RANBP2: variants seen among roughly 807,000 people sequenced by gnomAD.
The protein encoded by RANBP2 is E3 SUMO-protein ligase RanBP2.
In RANBP2, 57 loss-of-function variants were observed where a neutral mutation model predicts 303.6. The ratio of observed to expected loss-of-function variants is 0.19; its 90% confidence interval spans 0.15 to 0.23. The LOEUF (loss-of-function observed/expected upper bound fraction) is 0.23, where lower values mean the gene tolerates loss of function less well. Ranked by LOEUF, RANBP2 falls within the 10% of genes least tolerant of loss-of-function variation. The pLI is 1.00. For synonymous variants in RANBP2, 1,167 were observed against 1,301.5 expected, an observed-to-expected ratio of 0.90 and a Z score of 2.23; for missense variants, 3,138 against 3,780.8, an observed-to-expected ratio of 0.83 and a Z score of 4.46.
At chr2:109,650,128 A>G in the RANBP2 span, among the ~76,000 whole-genome samples, 4 of 152,224 alleles carry the variant, frequency 2.6e-5, no homozygotes, top group African/African-American at 4.8e-5. Context: ...GTAGGAAACA[A>G]AAGTCGCTGA....
At chr2:109,598,605 G>A in the RANBP2 span, among the ~76,000 whole-genome samples, 1 of 151,992 alleles carries the variant, frequency 6.6e-6, no homozygotes, top group African/African-American at 2.4e-5. Context: ...CACTTTGGGA[G>A]GCTGAGGCAG....
the RANBP2 span, among the ~76,000 whole-genome samples, chr2:109,177,557 G>A: frequency 1.3e-5 from 2 of 151,936 alleles, no homozygotes; most frequent in African/African-American, 4.8e-5. Context: ...TCTGGGGGGG[G>A]GCACCATTCC....
the RANBP2 span, chr2:108,856,882 TC>T: frequency 6.2e-7 from 1 of 1,613,248 alleles, no homozygotes; most frequent in Non-Finnish European, 8.5e-7. Flanking sequence ...ATCAGGCTGT[TC>T]CAGTAATATT....
the RANBP2 span, among the ~76,000 whole-genome samples, chr2:109,591,253 AT>A: frequency 3.9e-5 from 6 of 152,354 alleles, no homozygotes; most frequent in East Asian, 1.2e-3. Flanking sequence ...GCATATGCTT[AT>A]TACATAAAAG....
the RANBP2 span, among the ~76,000 whole-genome samples, chr2:108,880,812 C>G: frequency 1.3e-5 from 2 of 152,194 alleles, no homozygotes; most frequent in East Asian, 1.9e-4. Flanking sequence ...GACCAAAGAG[C>G]TCTACCATGG....
the RANBP2 span, among the ~76,000 whole-genome samples, chr2:108,943,004 C>T: frequency 2.6e-5 from 4 of 152,196 alleles, no homozygotes; most frequent in Admixed American, 1.3e-4. Context: ...GGCGTTTCAC[C>T]GGGCAGGTGA....
At chr2:108,819,011 C>A in the RANBP2 span, among the ~76,000 whole-genome samples, 2 of 152,254 alleles carry the variant, frequency 1.3e-5, no homozygotes, top group South Asian at 4.1e-4. Flanking sequence ...AAATTCAGTA[C>A]AACCTGAGGT....
chr2:109,197,497 G>T, the RANBP2 span, among the ~76,000 whole-genome samples: 1 of 151,624 alleles, frequency 6.6e-6, no homozygotes, highest in Non-Finnish European at 1.5e-5. Context: ...GACCCTATTT[G>T]TGAAGGCTAC....
intron 4 of RANBP2, chr2:108,731,854 T>C (rs1006886369): frequency 4.5e-6 from 1 of 222,768 alleles, no homozygotes; most frequent in Admixed American, 5.3e-5. Flanking sequence ...TAATAACTAT[T>C]GTCTGAAAGT....
At chr2:109,653,728 A>T in the RANBP2 span, among the ~76,000 whole-genome samples, 1 of 152,166 alleles carries the variant, frequency 6.6e-6, no homozygotes, top group Non-Finnish European at 1.5e-5. Flanking sequence ...GAATCTTTGA[A>T]TTCCTTCCTT....
chr2:108,882,357 C>CAGTAAAGTTGAAGTGCAACAAAATTAG, the RANBP2 span: 4 of 152,162 alleles, frequency 2.6e-5, no homozygotes, highest in Non-Finnish European at 5.9e-5. Context: ...CTCTGAACCA[C>CAGTAAAGTTGAAGTGCAACAAAATTAG]AGTAAAGTTG....
At chr2:109,742,176 CT>C in the RANBP2 span, among the ~76,000 whole-genome samples, 1 of 79,550 alleles carries the variant, frequency 1.3e-5, no homozygotes, top group Non-Finnish European at 2.5e-5. Flanking sequence ...AATCCCAGCA[CT>C]TTGGGAGGCC....
At chr2:108,880,164 A>T in the RANBP2 span, among the ~76,000 whole-genome samples, 23 of 151,536 alleles carry the variant, frequency 1.5e-4, no homozygotes, top group African/African-American at 2.4e-5. Flanking sequence ...AGATAATAAA[A>T]TTAATAAGCT....
chr2:109,283,948 C>T, the RANBP2 span, among the ~76,000 whole-genome samples: 6 of 152,140 alleles, frequency 3.9e-5, no homozygotes, highest in South Asian at 6.2e-4. Flanking sequence ...GCCGTGTTTC[C>T]GCCTCCCTCC....
At chr2:108,998,185 A>G in the RANBP2 span, among the ~76,000 whole-genome samples, 1 of 152,122 alleles carries the variant, frequency 6.6e-6, no homozygotes, top group Admixed American at 6.5e-5. Context: ...GAGCTTTTTA[A>G]TGCCATGCAA....
the RANBP2 span, among the ~76,000 whole-genome samples, chr2:109,765,308 A>G: frequency 2.7e-5 from 4 of 148,446 alleles, no homozygotes; most frequent in African/African-American, 9.9e-5. Flanking sequence ...CACGTAAGTG[A>G]AACAAGAGCA....
downstream of RANBP2, among the ~76,000 whole-genome samples, chr2:108,790,251 A>G (rs891712577): frequency 1.3e-5 from 2 of 152,200 alleles, no homozygotes; most frequent in Admixed American, 6.5e-5. Flanking sequence ...GAAAGTGAAA[A>G]TTGCTTTTAA....
the RANBP2 span, chr2:109,398,998 C>G: frequency 6.6e-7 from 1 of 1,515,560 alleles, no homozygotes. Flanking sequence ...GTTCTATCCT[C>G]AGCTCCGTGT....
At chr2:108,809,393 G>A in the RANBP2 span, among the ~76,000 whole-genome samples, 1 of 151,176 alleles carries the variant, frequency 6.6e-6, no homozygotes, top group Non-Finnish European at 1.5e-5. Context: ...TGAATCTGTA[G>A]ATGACTTTGG....
Sources: allele counts gnomAD v4.1 joint callset (sites outside exome capture counted in the v4.1 genomes callset), GRCh38; gene constraint gnomAD v4.1.1; transcripts MANE v1.5; gene names NCBI Gene and HGNC (gene_info 2026-07-23, HGNC 2026-07-21).